NGFR: variants seen among roughly 807,000 people sequenced by gnomAD.
NGFR encodes the protein tumor necrosis factor receptor superfamily member 16.
NGFR carries 30 observed loss-of-function variants against 43.2 expected under a neutral mutation model. That is an observed-to-expected ratio of 0.69 (90% CI 0.52 to 0.94). The LOEUF (loss-of-function observed/expected upper bound fraction) is 0.94. Among genes scored for constraint, NGFR ranks in the 40% least tolerant of loss-of-function variants. NGFR has a pLI of 0.00. For synonymous variants in NGFR, 246 were observed against 259.6 expected (o/e 0.95, Z 0.50); for missense variants, 529 against 602.5 (o/e 0.88, Z 1.28).
chr17:49,495,577 T>C lies in NGFR; in HGVS notation c.66+94T>C. On this transcript the variant is annotated intron_variant, in intron 1 of 5. Coordinates refer to ENST00000172229, the MANE Select transcript of NGFR (RefSeq NM_002507.4). The surrounding 1 kb of genome is among the most constrained non-coding windows in gnomAD (Gnocchi z 6.4). ...CCACCAAGGAAACAGAACAGAGCAT[T>C]GGGGTCCCAGATACTGAGGGTGGGT... 9.5e-7 allele frequency: 1 copy of C among 1,055,540 alleles called. No individual in the cohort carries two copies. The highest frequency in any genetic ancestry group is 1.2e-6 in the Non-Finnish European group (1 of 824,822). The allele number at this position is 1,055,540 out of a possible 1,614,324, so 65.4% of individuals were successfully genotyped here.
chr17:49,501,999 A>ATGGGGGGCCCCCCCCCCCCC, intron 1 of NGFR, 64 bp from the exon 2 acceptor site: 1 of 330,984 alleles, frequency 3.0e-6, no homozygotes, highest in Non-Finnish European at 5.9e-6. Context: ...TCCCCGGAAG[A>ATGGGGGGCCCCCCCCCCCCC]ACCCCCCCCA....
chr17:49,512,109 A>G lies in NGFR; in HGVS notation c.982+57A>G. On this transcript the variant is annotated intron_variant, in intron 5 of 5. Transcript: ENST00000172229. This position sits in a 1 kb window ranked among gnomAD's most constrained non-coding sequence, Gnocchi z 5.2. ...GAGCTGAGGCTGAGGAAACAGAAGC[A>G]ATTAAGATTAGACTCCAGGAAGGAC... 6.3e-7 allele frequency: 1 copy of G among 1,576,772 alleles called. No individual in the cohort carries two copies. Among genetic ancestry groups the G allele is most frequent in the Non-Finnish European group, 8.6e-7 (1 of 1,160,252 alleles).
intron 3 of NGFR, 46 bp downstream of exon 3, chr17:49,506,704 G>GGGGC: frequency 4.1e-6 from 3 of 737,232 alleles, no homozygotes; most frequent in Non-Finnish European, 5.9e-6. Flanking sequence ...GCGGGGGTGG[G>GGGGC]CTGGGGGCAT....
In NGFR at chr17:49,501,640, G is replaced by T. The variant is rs11466131; in HGVS notation, c.67-423G>T. On this transcript the variant is annotated intron_variant, in intron 1 of 5. Transcript: ENST00000172229. Reference sequence around the variant, plus strand: ...GCAGGTGCAAAGCTTAGCAAATGGAGTTTGGGATAGGTTTCAGCTCTACTT... The same window carrying T: ...GCAGGTGCAAAGCTTAGCAAATGGATTTTGGGATAGGTTTCAGCTCTACTT... Among the ~76,000 whole-genome samples, 390 of 152,364 alleles carry T rather than the reference G, an allele frequency of 2.6e-3. 1 individual carries two copies. Among genetic ancestry groups the T allele is most frequent in the African/African-American group, 9.0e-3 (375 of 41,590 alleles).
intron 2 of NGFR, among the ~76,000 whole-genome samples, chr17:49,504,155 C>G (rs2071182886): frequency 6.6e-6 from 1 of 152,150 alleles, no homozygotes; most frequent in Non-Finnish European, 1.5e-5. Context: ...CACAAGGAAA[C>G]CTATTAAGCC....
intron 3 of NGFR, 42 bp downstream of exon 3, chr17:49,506,700 G>GGA: frequency 2.1e-6 from 1 of 485,202 alleles, no homozygotes; most frequent in Non-Finnish European, 3.2e-6. Context: ...GGGTGCGGGG[G>GGA]TGGGCTGGGG....
At chr17:49,499,231 G>A (rs1019018717) in intron 1 of NGFR, among the ~76,000 whole-genome samples, 3 of 152,278 alleles carry the variant, frequency 2.0e-5, no homozygotes, top group East Asian at 3.9e-4. Context: ...AGGGAGAACA[G>A]GTTTCTTGGC....
intron 1 of NGFR, among the ~76,000 whole-genome samples, chr17:49,501,114 GC>G (rs1401523486): frequency 6.6e-6 from 1 of 152,212 alleles, no homozygotes; most frequent in African/African-American, 2.4e-5. Context: ...GCCTCCACCA[GC>G]CCCTTCCCCT....
At chr17:49,499,015 T>C (rs768968209) in intron 1 of NGFR, among the ~76,000 whole-genome samples, 2 of 152,218 alleles carry the variant, frequency 1.3e-5, no homozygotes, top group Non-Finnish European at 2.9e-5. Context: ...GCAATAGACA[T>C]TATCAACCCA....
intron 2 of NGFR, among the ~76,000 whole-genome samples, chr17:49,503,592 C>T (rs535920918): frequency 1.3e-5 from 2 of 152,318 alleles, no homozygotes; most frequent in East Asian, 1.9e-4. Flanking sequence ...GCAACCCCAA[C>T]TCTTGGTGTT....
chr17:49,501,999 A>ATGGGGCCCCCCCCCCC, intron 1 of NGFR, 64 bp from the exon 2 acceptor site: 2 of 330,976 alleles, frequency 6.0e-6, no homozygotes, highest in Non-Finnish European at 1.2e-5. Context: ...TCCCCGGAAG[A>ATGGGGCCCCCCCCCCC]ACCCCCCCCA....
chr17:49,513,105 C>G lies in NGFR; in HGVS notation c.*96C>G. On this transcript the variant is annotated 3_prime_UTR_variant, in exon 6 of 6. Transcript: ENST00000172229. ...CGCACCCCCACCCTTTGGGGGGGGC[C>G]CGCCTGGCAGAACTGAGCTCCTCTG... is the stretch of plus-strand genomic sequence containing the variant. 1.5e-6 allele frequency: 2 copies of G among 1,320,168 alleles called. No individual in the cohort carries two copies. Among genetic ancestry groups the G allele is most frequent in the Non-Finnish European group, 2.0e-6 (2 of 994,144 alleles). 81.8% of individuals were successfully genotyped at this position (1,320,168 alleles called of 1,614,324 possible). A position where few individuals can be genotyped will look rare whatever the true frequency, so the allele number is the denominator to read the frequency against.
At chr17:49,510,297 G>A (rs1328256729) in intron 3 of NGFR, 115 bp from the exon 4 acceptor site, 3 of 1,467,450 alleles carry the variant, frequency 2.0e-6, no homozygotes, top group Non-Finnish European at 2.8e-6. Flanking sequence ...ATAACAGCTG[G>A]GCACAAGAGC....
rs974577940 is a variant in NGFR at position 49,513,104 on chromosome 17, C to G, written c.*95C>G. 5.4e-6 allele frequency: 7 copies of G among 1,307,500 alleles called. No homozygotes were observed. Among genetic ancestry groups the G allele is most frequent in the South Asian group, 4.6e-5 (3 of 64,714 alleles). The allele number at this position is 1,307,500 out of a possible 1,614,324, so 81.0% of individuals were successfully genotyped here. A position where few individuals can be genotyped will look rare whatever the true frequency, so the allele number is the denominator to read the frequency against. ...CCGCACCCCCACCCTTTGGGGGGGGCCCGCCTGGCAGAACTGAGCTCCTCT... is the reference window on the plus strand; with the variant it reads ...CCGCACCCCCACCCTTTGGGGGGGGGCCGCCTGGCAGAACTGAGCTCCTCT... On this transcript the variant is annotated 3_prime_UTR_variant, in exon 6 of 6. Transcript: ENST00000172229.
chr17:49,514,916 C>G lies in NGFR; in HGVS notation c.*1907C>G, dbSNP rs749027791. ...CCCAGCAACCCTCCTATCACCTCCCCTCCTTGCCTCCTGTGTAATCATTTC... is the reference window on the plus strand; with the variant it reads ...CCCAGCAACCCTCCTATCACCTCCCGTCCTTGCCTCCTGTGTAATCATTTC... On this transcript the variant is annotated 3_prime_UTR_variant, in exon 6 of 6. Transcript: ENST00000172229. The G allele has an allele frequency of 3.9e-5, 6 of 152,108 alleles. No individual in the cohort carries two copies. Among genetic ancestry groups the G allele is most frequent in the Non-Finnish European group, 8.8e-5 (6 of 68,020 alleles). 9.4% of individuals were successfully genotyped at this position (152,108 alleles called of 1,614,324 possible).
At chr17:49,498,411 G>A (rs756422319) in intron 1 of NGFR, among the ~76,000 whole-genome samples, 1 of 152,190 alleles carries the variant, frequency 6.6e-6, no homozygotes. Flanking sequence ...GTATGTGCCA[G>A]TGCCTCCCCT....
chr17:49,502,444 G>C (rs141373032), intron 2 of NGFR, among the ~76,000 whole-genome samples: 1 of 152,208 alleles, frequency 6.6e-6, no homozygotes, highest in Non-Finnish European at 1.5e-5. Context: ...TCTCCAAGGG[G>C]TGCCCATTCC....
rs1839308551 is a variant in NGFR, at chr17:49,495,625, C to A, written c.66+142C>A. On this transcript the variant is annotated intron_variant, in intron 1 of 5. Transcript: ENST00000172229. This position sits in a 1 kb window ranked among gnomAD's most constrained non-coding sequence, Gnocchi z 6.4. The stretch of plus-strand genomic sequence containing the variant: ...GGTGGTGGGAAAGGACCTCTGATGC[C>A]GGGACCACGAAGGAGGGTCTAGGGT... 1 of 732,776 alleles carries A rather than the reference C, an allele frequency of 1.4e-6. No individual in the cohort carries two copies. The highest frequency in any genetic ancestry group is 6.9e-5 in the South Asian group (1 of 14,434). 45.4% of individuals were successfully genotyped at this position (732,776 alleles called of 1,614,324 possible). A position where few individuals can be genotyped will look rare whatever the true frequency, so the allele number is the denominator to read the frequency against.
At position 49,513,037 on chromosome 17, in the gene NGFR, C is replaced by T. The variant is rs746705064; in HGVS notation, c.*28C>T. On this transcript the variant is annotated 3_prime_UTR_variant, in exon 6 of 6. Transcript: ENST00000172229. ...CCAACCGGGGAGCCCCCGCCCCGCC[C>T]CACATTCCGACAACCGATGCTCCAG... is the stretch of plus-strand genomic sequence containing the variant. 56 of 1,483,072 alleles carry T rather than the reference C, an allele frequency of 3.8e-5. No individual in the cohort carries two copies. Among genetic ancestry groups the T allele is most frequent in the Non-Finnish European group, 4.8e-5 (54 of 1,116,932 alleles). The allele number at this position is 1,483,072 out of a possible 1,614,324, so 91.9% of individuals were successfully genotyped here.
Sources: allele counts gnomAD v4.1 joint callset (sites outside exome capture counted in the v4.1 genomes callset), GRCh38; gene constraint gnomAD v4.1.1; non-coding constraint Gnocchi (gnomAD v3.1); transcripts MANE v1.5; gene names NCBI Gene and HGNC (gene_info 2026-07-23, HGNC 2026-07-21).